The following SRGAP1 variants were observed in gnomAD, a reference collection of about 807,000 sequenced individuals.
SRGAP1 encodes the protein SLIT-ROBO Rho GTPase-activating protein 1.
A neutral mutation model predicts 121.9 loss-of-function variants in SRGAP1; 43 were observed. The ratio of observed to expected loss-of-function variants is 0.35; its 90% CI spans 0.28 to 0.46. SRGAP1 has a LOEUF of 0.46. Ranked by LOEUF, SRGAP1 falls within the 20% of genes least tolerant of loss-of-function variation. SRGAP1 has a pLI of 1.00. For missense variants in SRGAP1, 1,102 were observed against 1,350.9 expected, an observed-to-expected ratio of 0.82 and a Z score of 2.89; for synonymous variants, 447 against 485.4, an observed-to-expected ratio of 0.92 and a Z score of 1.04.
chr12:64,139,318 C>T (rs369007003), intron 21 of SRGAP1, among the ~76,000 whole-genome samples: 2 of 152,324 alleles, frequency 1.3e-5, no homozygotes, highest in South Asian at 2.1e-4. Flanking sequence ...TTTCGAAGAA[C>T]TTCTTGGAAT....
At chr12:63,966,971 G>T in intron 1 of SRGAP1, among the ~76,000 whole-genome samples, 1 of 152,222 alleles carries the variant, frequency 6.6e-6, no homozygotes, top group Non-Finnish European at 1.5e-5. Context: ...CCATATTCAC[G>T]TCTCATAAGT....
intron 1 of SRGAP1, among the ~76,000 whole-genome samples, chr12:63,913,874 T>C (rs2030663773): frequency 6.6e-6 from 1 of 152,136 alleles, no homozygotes; most frequent in Non-Finnish European, 1.5e-5. Flanking sequence ...TATTTTTTTT[T>C]CTAGTTTTAA....
chr12:64,110,700 G>A (rs555799155), intron 16 of SRGAP1, among the ~76,000 whole-genome samples: 1 of 152,234 alleles, frequency 6.6e-6, no homozygotes, highest in Non-Finnish European at 1.5e-5. Context: ...AAGATGATCT[G>A]TAATATGATC....
intron 1 of SRGAP1, among the ~76,000 whole-genome samples, chr12:63,917,456 T>C (rs1303465367): frequency 6.6e-6 from 1 of 152,150 alleles, no homozygotes; most frequent in African/African-American, 2.4e-5. Context: ...TCATTTTTAT[T>C]GTGAGTGTGT....
rs2036570694 is a variant in SRGAP1, at chr12:64,119,452, C to T, written c.2224+3559C>T. Among the ~76,000 whole-genome samples the T allele has an allele frequency of 2.0e-5, 3 of 152,090 alleles. 1 individual carries two copies. The highest frequency in any genetic ancestry group is 2.0e-4 in the Admixed American group (3 of 15,270). ...TTGATTGCCTTTGTATTAATTCTAC[C>T]TATATTAATATGGGGAGAATTAATA... is the stretch of plus-strand genomic sequence containing the variant. On this transcript the variant is annotated intron_variant, in intron 18 of 21. Coordinates refer to ENST00000355086, the MANE Select transcript of SRGAP1 (RefSeq NM_020762.4).
At chr12:64,048,351 AAT>A (rs2035175149) in intron 6 of SRGAP1, among the ~76,000 whole-genome samples, 3 of 152,122 alleles carry the variant, frequency 2.0e-5, no homozygotes. Flanking sequence ...TTCATGGCCG[AAT>A]AGAACTCCAC....
intron 1 of SRGAP1, among the ~76,000 whole-genome samples, chr12:63,955,849 A>G (rs1223720666): frequency 6.6e-6 from 1 of 152,164 alleles, no homozygotes; most frequent in African/African-American, 2.4e-5. Context: ...TTTTCTTTTA[A>G]TGACTATTAT....
chr12:64,133,183 C>T (rs762432963), intron 21 of SRGAP1, among the ~76,000 whole-genome samples: 2 of 152,188 alleles, frequency 1.3e-5, no homozygotes, highest in Non-Finnish European at 2.9e-5. Flanking sequence ...CTCTACAGTC[C>T]CTCCAGGGAT....
At chr12:63,865,757 T>A (rs1401070504) in intron 1 of SRGAP1, among the ~76,000 whole-genome samples, 1 of 152,206 alleles carries the variant, frequency 6.6e-6, no homozygotes, top group Non-Finnish European at 1.5e-5. Flanking sequence ...CTGCAGGTGT[T>A]GCAGTTTTCG....
At chr12:63,863,276 CTT>C (rs72296845) in intron 1 of SRGAP1, among the ~76,000 whole-genome samples, 14 of 138,100 alleles carry the variant, frequency 1.0e-4, no homozygotes, top group Non-Finnish European at 7.9e-5. Context: ...CTTTTTTTTT[CTT>C]TTTTTTTTTT....
intron 1 of SRGAP1, among the ~76,000 whole-genome samples, chr12:63,968,006 A>G (rs554955593): frequency 9.2e-5 from 14 of 152,344 alleles, no homozygotes; most frequent in African/African-American, 3.4e-4. Context: ...GAGAAGTTTT[A>G]GAATAAGTCA....
intron 1 of SRGAP1, among the ~76,000 whole-genome samples, chr12:63,876,494 T>C (rs1592906031): frequency 6.6e-6 from 1 of 152,330 alleles, no homozygotes; most frequent in Non-Finnish European, 1.5e-5. Context: ...AATGGAAATA[T>C]GTTTAACTGT....
chr12:63,964,606 A>C (rs757596562), intron 1 of SRGAP1, among the ~76,000 whole-genome samples: 1 of 151,844 alleles, frequency 6.6e-6, no homozygotes, highest in Non-Finnish European at 1.5e-5. Flanking sequence ...CTTGAGGCCT[A>C]TATAACTCCC....
Position 64,062,998 on chromosome 12 carries a change from A to C in SRGAP1, c.883A>C (p.Arg295=), listed in dbSNP as rs760361145. The C allele has an allele frequency of 1.9e-6, 3 of 1,613,990 alleles. No individual in the cohort carries two copies. Among genetic ancestry groups the C allele is most frequent in the Non-Finnish European group, 2.5e-6 (3 of 1,179,988 alleles). ...LSAEYNLETS[R]HEGLDIIENA... ...TGCGGAGTACAACCTTGAAACCTCC[A>C]GACATGAGGGCTTAGACATTATTGA... The change falls in exon 7 of 22, where the codon AGA becomes CGA. Residue 295 remains arginine, a synonymous_variant. Transcript: ENST00000355086.
intron 18 of SRGAP1, among the ~76,000 whole-genome samples, chr12:64,124,818 G>A (rs1005273305): frequency 6.6e-6 from 1 of 151,804 alleles, no homozygotes; most frequent in East Asian, 1.9e-4. Context: ...TTCACAAGCT[G>A]TTGTAAAAAA....
At chr12:64,010,692 T>C (rs2034227575) in intron 3 of SRGAP1, among the ~76,000 whole-genome samples, 3 of 152,010 alleles carry the variant, frequency 2.0e-5, no homozygotes, top group African/African-American at 7.3e-5. Flanking sequence ...AAGAAACAAA[T>C]GTGACAAGCC....
intron 21 of SRGAP1, among the ~76,000 whole-genome samples, chr12:64,138,607 CA>C (rs2036901254): frequency 6.6e-6 from 1 of 151,448 alleles, no homozygotes; most frequent in Admixed American, 6.6e-5. Context: ...CGTGTGCCAC[CA>C]CGCCTGGCTA....
chr12:64,018,661 T>A (rs1317021433), intron 4 of SRGAP1, among the ~76,000 whole-genome samples: 1 of 152,240 alleles, frequency 6.6e-6, no homozygotes, highest in Non-Finnish European at 1.5e-5. Flanking sequence ...ATAAATTGAA[T>A]TGACAGTTTC....
chr12:64,071,877 C>G (rs561332127), intron 8 of SRGAP1, among the ~76,000 whole-genome samples: 31 of 148,978 alleles, frequency 2.1e-4, no homozygotes, highest in African/African-American at 5.4e-4. Flanking sequence ...CTCACCCCCC[C>G]CCAAAAAAAA....
Sources: allele counts gnomAD v4.1 joint callset (sites outside exome capture counted in the v4.1 genomes callset), GRCh38; gene constraint gnomAD v4.1.1; transcripts MANE v1.5; gene names NCBI Gene and HGNC (gene_info 2026-07-23, HGNC 2026-07-21).